Variants in ANK1 observed in about 807,000 individuals in gnomAD.
ANK1 encodes the protein ankyrin 1, also known as ankyrin-1.
ANK1 carries 51 observed loss-of-function variants against 210.4 expected under a neutral mutation model. The observed-to-expected ratio is 0.24, with a 90% CI of 0.19 to 0.31. ANK1 has a LOEUF of 0.31. ANK1 is among the 10% of genes least tolerant of loss of function. The pLI is 1.00. For synonymous variants in ANK1, 967 were observed against 1,025.9 expected, an observed-to-expected ratio of 0.94 and a Z score of 1.10; for missense variants, 2,051 against 2,504.4, an observed-to-expected ratio of 0.82 and a Z score of 3.86.
intron 3 of ANK1, 95 bp from the exon 4 acceptor site, chr8:41,728,101 CG>C (rs1831192596): frequency 4.0e-6 from 5 of 1,252,488 alleles, no homozygotes; most frequent in South Asian, 2.4e-5. Flanking sequence ...TTGAGGGACC[CG>C]GGGGCTTTCT....
intron 6 of ANK1, 89 bp from the exon 7 acceptor site, chr8:41,724,643 G>T: frequency 2.5e-6 from 3 of 1,210,794 alleles, no homozygotes; most frequent in Non-Finnish European, 3.5e-6. Flanking sequence ...CTCAGGTGGG[G>T]CAACAGGACT....
chr8:41,688,733 C>A, intron 33 of ANK1, 144 bp from the exon 34 acceptor site: 1 of 748,476 alleles, frequency 1.3e-6, no homozygotes, highest in Middle Eastern at 2.3e-4. Flanking sequence ...GGACTTAACA[C>A]AAAGAGTAAC....
intron 2 of ANK1, among the ~76,000 whole-genome samples, chr8:41,736,718 G>A (rs1454676562): frequency 6.6e-6 from 1 of 152,220 alleles, no homozygotes; most frequent in Non-Finnish European, 1.5e-5. Flanking sequence ...AATAGCTAAT[G>A]CTTGCCGCTA....
chr8:41,851,235 C>T (rs1426804751), intron 1 of ANK1, among the ~76,000 whole-genome samples: 2 of 152,214 alleles, frequency 1.3e-5, no homozygotes, highest in Non-Finnish European at 2.9e-5. Flanking sequence ...CTTCTCTCTT[C>T]GTCTGTCTCT....
rs566827979 is a variant in ANK1 at position 41,755,862 on chromosome 8, G to A, written c.129+2174C>T. 3.7e-4 allele frequency among the ~76,000 whole-genome samples: 57 copies of A among 152,308 alleles called. 1 individual carries two copies. In the South Asian group the frequency reaches 0.012, roughly 32 times the overall value. ...TGGATATGTGGATGTTGGCATTTCT[G>A]GGTGGAGGGATGAGAAAAGGGGCGG... On this transcript the variant is annotated intron_variant, in intron 2 of 42. Transcript: ENST00000289734.
At chr8:41,711,598 G>A (rs753807903) in intron 16 of ANK1, among the ~76,000 whole-genome samples, 1 of 152,180 alleles carries the variant, frequency 6.6e-6, no homozygotes, top group Non-Finnish European at 1.5e-5. Context: ...ATGCTTTTCT[G>A]CTGATTCCAA....
At chr8:41,875,293 G>T (rs1816346383) in intron 1 of ANK1, among the ~76,000 whole-genome samples, 1 of 152,224 alleles carries the variant, frequency 6.6e-6, no homozygotes. Flanking sequence ...CAGTTTAGAG[G>T]CTGGCAGCAG....
Position 41,724,576 on chromosome 8 carries a change from G to A in ANK1, c.613-22C>T, listed in dbSNP as rs78699455. On this transcript the variant is annotated intron_variant, in intron 6 of 42. Transcript: ENST00000289734. ...CCGTCTGGGGCACAACAGAGGGGGA[G>A]AAACTTGTTATATGTGATTTACTTC... 8.1e-4 allele frequency: 1,263 copies of A among 1,560,994 alleles called. 6 individuals carry two copies. The African/African-American group carries it at 0.015, about 19-fold the overall frequency.
chr8:41,843,572 C>T (rs1479522835), intron 1 of ANK1, among the ~76,000 whole-genome samples: 4 of 152,152 alleles, frequency 2.6e-5, no homozygotes, highest in African/African-American at 4.8e-5. Flanking sequence ...AGATTCATTC[C>T]GCTGCTGGAG....
At position 41,698,111 on chromosome 8, in the gene ANK1, G is replaced by C; in HGVS notation, c.2569C>G (p.Pro857Ala). The change falls in exon 24 of 43, where the codon CCA becomes GCA. Residue 857 changes from proline (P) to alanine (A), a missense_variant. This residue lies in a region of ANK1 where 1,413 missense variants were observed against 1,707.4 expected (regional missense o/e 0.83). Coordinates refer to ENST00000289734, the MANE Select transcript of ANK1 (RefSeq NM_000037.4). Reference sequence around the variant, plus strand: ...GCACAGGGAATCCTGGGGATGGCTGGAGATTCCACCCTGCGTGCCAAGAAC... The same window carrying C: ...GCACAGGGAATCCTGGGGATGGCTGCAGATTCCACCCTGCGTGCCAAGAAC... ...VPKLDQVVES[P>A]AIPRIPCAMP... is the part of the protein sequence containing the mutation. 1.2e-6 allele frequency: 2 copies of C among 1,614,080 alleles called. No individual in the cohort carries two copies. Among genetic ancestry groups the C allele is most frequent in the Non-Finnish European group, 1.7e-6 (2 of 1,180,036 alleles).
At chr8:41,697,964 C>T (rs1821572922) in intron 24 of ANK1, 79 bp downstream of exon 24, 1 of 1,381,926 alleles carries the variant, frequency 7.2e-7, no homozygotes, top group Non-Finnish European at 1.0e-6. Flanking sequence ...GTGCTACGTA[C>T]AGGCCACCCC....
At chr8:41,730,475 TA>T (rs1831909856) in intron 3 of ANK1, among the ~76,000 whole-genome samples, 1 of 150,594 alleles carries the variant, frequency 6.6e-6, no homozygotes, top group African/African-American at 2.5e-5. Context: ...TTTAAAGGCA[TA>T]AAGCCTGTTT....
chr8:41,725,696 G>A, intron 6 of ANK1, 65 bp downstream of exon 6: 1 of 1,559,900 alleles, frequency 6.4e-7, no homozygotes, highest in Non-Finnish European at 8.7e-7. Context: ...CGCTGGGCGT[G>A]CGCGGTGCCC....
At chr8:41,676,431 A>C (rs1814181965) in intron 37 of ANK1, among the ~76,000 whole-genome samples, 1 of 152,210 alleles carries the variant, frequency 6.6e-6, no homozygotes, top group Non-Finnish European at 1.5e-5. Flanking sequence ...CTAAAAACTG[A>C]GTTGTTTTCT....
chr8:41,716,968 G>C lies in ANK1; in HGVS notation c.1389C>G (p.Val463=). ...AKYLLQNKAK[V]NAKAKDDQTP... ...CACTACTCACCTTGGCCTTGGCATT[G>C]ACTTTGGCTTTGTTCTGGAGTAAAT... Residue 463 remains valine (V), a synonymous_variant, in exon 13 of 43, where the codon GTC becomes GTG. Coordinates refer to ENST00000289734, the MANE Select transcript of ANK1 (RefSeq NM_000037.4). 6.2e-7 allele frequency: 1 copy of C among 1,614,162 alleles called. No homozygotes were observed. Among genetic ancestry groups the C allele is most frequent in the Non-Finnish European group, 8.5e-7 (1 of 1,180,036 alleles).
intron 2 of ANK1, among the ~76,000 whole-genome samples, chr8:41,751,776 A>G (rs1837764297): frequency 6.6e-6 from 1 of 152,030 alleles, no homozygotes; most frequent in Admixed American, 6.6e-5. Flanking sequence ...CTCTGAGTCT[A>G]TCCTCCACAC....
At position 41,723,544 on chromosome 8, in the gene ANK1, G is replaced by A. The variant is rs780194667; in HGVS notation, c.801C>T (p.Thr267=). Residue 267 remains threonine, a synonymous_variant, in exon 8 of 43, where the codon ACC becomes ACT. Coordinates refer to ENST00000289734, the MANE Select transcript of ANK1 (RefSeq NM_000037.4). ...LLLDRGAQIE[T]KTKDELTPLH... ...ACCTGCTGGCACCCACCTTGGTCTT[G>A]GTTTCTATCTGGGCTCCCCGATCCA... is the stretch of plus-strand genomic sequence containing the variant. 10 of 1,613,940 alleles carry A rather than the reference G, an allele frequency of 6.2e-6. No individual in the cohort carries two copies. Among genetic ancestry groups the A allele is most frequent in the African/African-American group, 1.3e-5 (1 of 74,924 alleles).
chr8:41,875,825 A>G (rs1449800277), intron 1 of ANK1, among the ~76,000 whole-genome samples: 1 of 152,136 alleles, frequency 6.6e-6, no homozygotes, highest in Non-Finnish European at 1.5e-5. Flanking sequence ...AGTGTTTTGT[A>G]GATGATCTAG....
chr8:41,886,036 C>T (rs184989174), intron 1 of ANK1, among the ~76,000 whole-genome samples: 138 of 152,314 alleles, frequency 9.1e-4, no homozygotes, highest in Non-Finnish European at 1.4e-3. Context: ...GAGAATTTAG[C>T]CAGGTGGGAC....
Sources: allele counts gnomAD v4.1 joint callset (sites outside exome capture counted in the v4.1 genomes callset), GRCh38; gene constraint gnomAD v4.1.1; regional missense constraint gnomAD v4.1.1; transcripts MANE v1.5; gene names NCBI Gene and HGNC (gene_info 2026-07-23, HGNC 2026-07-21).